TMEM178B: variants seen among roughly 807,000 people sequenced by gnomAD.
TMEM178B encodes the protein transmembrane protein 178B.
A neutral mutation model predicts 31.0 loss-of-function variants in TMEM178B; 5 were observed. That is an observed-to-expected ratio of 0.16 (90% CI 0.08 to 0.34). The LOEUF (loss-of-function observed/expected upper bound fraction) is 0.34, where lower values mean the gene tolerates loss of function less well. Ranked by LOEUF, TMEM178B falls within the 10% of genes least tolerant of loss-of-function variation. The pLI is 1.00. For synonymous variants in TMEM178B, 164 were observed against 164.0 expected, an observed-to-expected ratio of 1.00 and a Z score of 0.00; for missense variants, 275 against 400.3, an observed-to-expected ratio of 0.69 and a Z score of 2.67.
At chr7:141,333,296 C>A (rs1437139205) in intron 2 of TMEM178B, among the ~76,000 whole-genome samples, 1 of 152,212 alleles carries the variant, frequency 6.6e-6, no homozygotes, top group African/African-American at 2.4e-5. Context: ...TCTTCACTTC[C>A]CCAGCATCAG....
intron 2 of TMEM178B, among the ~76,000 whole-genome samples, chr7:141,327,357 A>G (rs1325868223): frequency 6.6e-6 from 1 of 152,192 alleles, no homozygotes; most frequent in African/African-American, 2.4e-5. Flanking sequence ...AGCAAAACTG[A>G]GCAGAAGGAA....
chr7:141,419,942 C>T (rs1021202470), intron 2 of TMEM178B, among the ~76,000 whole-genome samples: 1 of 152,158 alleles, frequency 6.6e-6, no homozygotes, highest in Non-Finnish European at 1.5e-5. Flanking sequence ...TACTCTTTCT[C>T]CTATTCATCA....
chr7:141,369,153 G>A (rs1800063676), intron 2 of TMEM178B, among the ~76,000 whole-genome samples: 2 of 152,134 alleles, frequency 1.3e-5, no homozygotes, highest in African/African-American at 4.8e-5. Context: ...TCTTTCCCCA[G>A]TGGACCCACC....
intron 2 of TMEM178B, among the ~76,000 whole-genome samples, chr7:141,248,857 C>A (rs773319524): frequency 1.3e-5 from 2 of 152,180 alleles, no homozygotes; most frequent in Non-Finnish European, 2.9e-5. Flanking sequence ...ACTTTTCTTT[C>A]TGCAATAATA....
At chr7:141,291,245 TC>T (rs941906221) in intron 2 of TMEM178B, among the ~76,000 whole-genome samples, 1 of 152,142 alleles carries the variant, frequency 6.6e-6, no homozygotes, top group African/African-American at 2.4e-5. Context: ...CAAAATGACT[TC>T]CGGTTGTCTC....
intron 2 of TMEM178B, among the ~76,000 whole-genome samples, chr7:141,274,745 G>A (rs1462790646): frequency 1.3e-5 from 2 of 152,166 alleles, no homozygotes; most frequent in African/African-American, 2.4e-5. Flanking sequence ...GAAGGAGGGC[G>A]GAGGGTGAGG....
At chr7:141,325,936 C>T (rs1799182236) in intron 2 of TMEM178B, among the ~76,000 whole-genome samples, 1 of 152,190 alleles carries the variant, frequency 6.6e-6, no homozygotes, top group African/African-American at 2.4e-5. Flanking sequence ...TTTTAGATCA[C>T]AGACACCTTT....
At chr7:141,205,632 T>C (rs895320986) in intron 1 of TMEM178B, among the ~76,000 whole-genome samples, 8 of 152,240 alleles carry the variant, frequency 5.3e-5, no homozygotes, top group African/African-American at 1.9e-4. Flanking sequence ...AATGACTCTG[T>C]AATGGAGATA....
At chr7:141,410,252 G>T (rs1475663086) in intron 2 of TMEM178B, among the ~76,000 whole-genome samples, 3 of 152,176 alleles carry the variant, frequency 2.0e-5, no homozygotes, top group Non-Finnish European at 4.4e-5. Context: ...CATCGCAGCT[G>T]CCAGCCTAGA....
intron 2 of TMEM178B, among the ~76,000 whole-genome samples, chr7:141,431,001 C>T (rs556833318): frequency 2.0e-5 from 3 of 152,248 alleles, no homozygotes; most frequent in Admixed American, 6.5e-5. Flanking sequence ...CAGGAGGTGC[C>T]CATGTGGCCG....
At chr7:141,240,568 ATTACAAATT>A (rs1227238944) in intron 2 of TMEM178B, among the ~76,000 whole-genome samples, 1 of 152,254 alleles carries the variant, frequency 6.6e-6, no homozygotes, top group Non-Finnish European at 1.5e-5. Context: ...AATTTCTGTG[ATTACAAATT>A]TTACTTTTAA....
chr7:141,200,917 A>G (rs535913889), intron 1 of TMEM178B, among the ~76,000 whole-genome samples: 2 of 152,282 alleles, frequency 1.3e-5, no homozygotes, highest in Non-Finnish European at 2.9e-5. Context: ...GAAAGATTTT[A>G]GCAATGGCTT....
At chr7:141,453,015 CCCTT>C (rs1801897687) in intron 3 of TMEM178B, among the ~76,000 whole-genome samples, 1 of 152,224 alleles carries the variant, frequency 6.6e-6, no homozygotes, top group African/African-American at 2.4e-5. Flanking sequence ...CTCCATGACA[CCCTT>C]TTCTGCCTAT....
chr7:141,336,074 C>G (rs564719603), intron 2 of TMEM178B, among the ~76,000 whole-genome samples: 1 of 152,154 alleles, frequency 6.6e-6, no homozygotes, highest in Non-Finnish European at 1.5e-5. Context: ...AAAGAGTAAT[C>G]GTCACTTGCC....
At chr7:141,404,166 G>A (rs973755632) in intron 2 of TMEM178B, among the ~76,000 whole-genome samples, 3 of 152,100 alleles carry the variant, frequency 2.0e-5, no homozygotes, top group Admixed American at 1.3e-4. Context: ...TTAGCTGGGC[G>A]TGGTGGTAGG....
chr7:141,393,170 C>A (rs916070569), intron 2 of TMEM178B, among the ~76,000 whole-genome samples: 1 of 152,090 alleles, frequency 6.6e-6, no homozygotes, highest in African/African-American at 2.4e-5. Context: ...GGAGGCAGCC[C>A]TCCTGGGGCG....
At chr7:141,207,254 T>G (rs1796981494) in intron 1 of TMEM178B, among the ~76,000 whole-genome samples, 1 of 152,222 alleles carries the variant, frequency 6.6e-6, no homozygotes, top group African/African-American at 2.4e-5. Flanking sequence ...AATGCTGCAA[T>G]GAACATGGGA....
At chr7:141,492,969 T>C in the TMEM178B span, among the ~76,000 whole-genome samples, 2 of 152,196 alleles carry the variant, frequency 1.3e-5, no homozygotes, top group Non-Finnish European at 2.9e-5. Flanking sequence ...GAATAAATAT[T>C]GATGTGTGTG....
At chr7:141,241,485 G>A (rs1797618014) in intron 2 of TMEM178B, among the ~76,000 whole-genome samples, 4 of 151,458 alleles carry the variant, frequency 2.6e-5, no homozygotes, top group African/African-American at 9.7e-5. Flanking sequence ...AGCTACTCGG[G>A]AGGCTGAGGC....
Sources: gnomAD v4.1 joint callset for allele counts (sites outside exome capture counted in the v4.1 genomes callset) on GRCh38, gnomAD v4.1.1 for gene constraint, MANE v1.5 for transcripts, NCBI Gene and HGNC (gene_info 2026-07-23, HGNC 2026-07-21) for gene names.